The following FZR1 variants were observed in gnomAD, a reference collection of about 807,000 sequenced individuals.
FZR1 encodes the protein fizzy and cell division cycle 20 related 1.
In FZR1, 11 loss-of-function variants were observed where a neutral mutation model predicts 63.6. That is an observed-to-expected ratio of 0.17 (90% CI 0.11 to 0.29). FZR1 has a LOEUF of 0.29. FZR1 is among the 10% of genes least tolerant of loss of function. FZR1 has a pLI of 1.00. For synonymous variants in FZR1, 328 were observed against 297.9 expected (o/e 1.10, Z -1.04); for missense variants, 440 against 687.5 (o/e 0.64, Z 4.03).
intron 2 of FZR1, among the ~76,000 whole-genome samples, 174 bp downstream of exon 2, chr19:3,523,232 C>T (rs926032964): frequency 1.3e-5 from 2 of 152,214 alleles, no homozygotes; most frequent in Non-Finnish European, 2.9e-5. Flanking sequence ...TGCCGCCACC[C>T]CCAGGGCCAT....
intron 2 of FZR1, among the ~76,000 whole-genome samples, chr19:3,524,342 G>C (rs1372261326): frequency 2.0e-5 from 3 of 152,236 alleles, no homozygotes; most frequent in Non-Finnish European, 4.4e-5. Flanking sequence ...GGTGTGAACG[G>C]GAGATGGGGG....
Position 3,526,048 on chromosome 19 carries a change from C to T in FZR1, c.195+55C>T. On this transcript the variant is annotated intron_variant, in intron 3 of 13. Transcript: ENST00000441788. This position sits in a 1 kb window ranked among gnomAD's most constrained non-coding sequence, Gnocchi z 5.4. Reference sequence around the variant, plus strand: ...CCCCCCGGGAAGCCCAGGGCCCCTCCCAGCCTCCTTGCTCTAGGGCCGGGA... The same window carrying T: ...CCCCCCGGGAAGCCCAGGGCCCCTCTCAGCCTCCTTGCTCTAGGGCCGGGA... The T allele has an allele frequency of 1.9e-6, 3 of 1,611,826 alleles. No homozygotes were observed. The highest frequency in any genetic ancestry group is 2.5e-6 in the Non-Finnish European group (3 of 1,179,336).
chr19:3,522,140 G>C (rs954898600), intron 1 of FZR1, among the ~76,000 whole-genome samples: 1 of 152,206 alleles, frequency 6.6e-6, no homozygotes, highest in Non-Finnish European at 1.5e-5. Flanking sequence ...CCTGTACATG[G>C]CCTTGGGCTG....
At chr19:3,506,805 G>A (rs1400291430) in intron 1 of FZR1, among the ~76,000 whole-genome samples, 1 of 152,068 alleles carries the variant, frequency 6.6e-6, no homozygotes, top group Non-Finnish European at 1.5e-5. Flanking sequence ...GCTGAGCCCT[G>A]CACCCCCAAC....
intron 1 of FZR1, among the ~76,000 whole-genome samples, chr19:3,512,922 A>G (rs903625029): frequency 6.6e-6 from 1 of 152,192 alleles, no homozygotes; most frequent in Non-Finnish European, 1.5e-5. Flanking sequence ...CAGTGAGAGC[A>G]GACAGCGGAT....
chr19:3,523,109 C>A, intron 2 of FZR1, 51 bp downstream of exon 2: 1 of 1,149,126 alleles, frequency 8.7e-7, no homozygotes, highest in Non-Finnish European at 1.3e-6. Context: ...CCCCAGCTGC[C>A]TCTGCCCTGG....
chr19:3,527,052 AGCAACAAGAGG>A lies in FZR1; in HGVS notation c.461_470+1del, dbSNP rs2083167046. On this transcript the variant is annotated splice_donor_variant and coding_sequence_variant, in exon 6 of 14. Coordinates refer to ENST00000441788, the MANE Select transcript of FZR1 (RefSeq NM_016263.4). LOFTEE classifies it high-confidence loss of function. ...GTCTCCCTACTCCCTGTCTCCCGTC[AGCAACAAGAGG>A]TGGGTCCCAGCTTCCTCCGCAGCCC... 2.5e-6 allele frequency: 4 copies of A among 1,610,146 alleles called. No individual in the cohort carries two copies. The highest frequency in any genetic ancestry group is 1.1e-5 in the South Asian group (1 of 91,018).
chr19:3,528,354 G>C (rs570208370), intron 7 of FZR1, among the ~76,000 whole-genome samples: 3 of 152,358 alleles, frequency 2.0e-5, no homozygotes, highest in Non-Finnish European at 4.4e-5. Flanking sequence ...GGGAGAGCGA[G>C]GGTTGGCGCC....
At chr19:3,522,442 C>T (rs2083111123) in intron 1 of FZR1, among the ~76,000 whole-genome samples, 1 of 152,190 alleles carries the variant, frequency 6.6e-6, no homozygotes, top group Non-Finnish European at 1.5e-5. Flanking sequence ...GTGGCTTGTC[C>T]ACAGGAGGCT....
At chr19:3,518,819 A>G (rs1481658913) in intron 1 of FZR1, among the ~76,000 whole-genome samples, 1 of 152,202 alleles carries the variant, frequency 6.6e-6, no homozygotes, top group African/African-American at 2.4e-5. Context: ...AACCATGATC[A>G]AACTACTGCA....
At chr19:3,522,828 T>TC in intron 1 of FZR1, 128 bp from the exon 2 acceptor site, 2 of 642,354 alleles carry the variant, frequency 3.1e-6, no homozygotes, top group Non-Finnish European at 5.7e-6. Context: ...TGGCAGAAGA[T>TC]CCCCACAGAG....
chr19:3,510,935 G>A, intron 1 of FZR1, among the ~76,000 whole-genome samples: 1 of 152,376 alleles, frequency 6.6e-6, no homozygotes, highest in East Asian at 1.9e-4. Flanking sequence ...CAGCGCTGAG[G>A]TTGGGGCCCT....
At chr19:3,510,083 A>G (rs940801899) in intron 1 of FZR1, among the ~76,000 whole-genome samples, 2 of 151,540 alleles carry the variant, frequency 1.3e-5, no homozygotes, top group African/African-American at 4.9e-5. Flanking sequence ...TGCCCCCAGC[A>G]TGTCCCTTCC....
chr19:3,532,872 A>T (rs2083262137), intron 11 of FZR1, among the ~76,000 whole-genome samples: 1 of 151,980 alleles, frequency 6.6e-6, no homozygotes, highest in Admixed American at 6.5e-5. Flanking sequence ...CTGGGCCCCC[A>T]TCGCAGCCAC....
chr19:3,532,695 G>C, intron 11 of FZR1, 45 bp downstream of exon 11: 4 of 1,347,022 alleles, frequency 3.0e-6, no homozygotes, highest in Non-Finnish European at 4.2e-6. Flanking sequence ...CAGGATGTGC[G>C]TCCTGCTGGC....
Position 3,526,100 on chromosome 19 carries a change from C to T in FZR1, c.196-20C>T, listed in dbSNP as rs2121967904. 3 of 1,612,664 alleles carry T rather than the reference C, an allele frequency of 1.9e-6. No individual in the cohort carries two copies. The highest frequency in any genetic ancestry group is 2.2e-5 in the East Asian group (1 of 44,864). On this transcript the variant is annotated intron_variant, in intron 3 of 13. Transcript: ENST00000441788. The surrounding 1 kb of genome is among the most constrained non-coding windows in gnomAD (Gnocchi z 5.4). ...CAAGCGGGCTCCTCGACCCCTCCCT[C>T]TCTGCTCTCCTGCCTGCAGGAGAAT...
At chr19:3,523,122 A>G (rs1256202968) in intron 2 of FZR1, 64 bp downstream of exon 2, 2 of 1,012,278 alleles carry the variant, frequency 2.0e-6, no homozygotes, top group Non-Finnish European at 3.2e-6. Context: ...TGCCCTGGCC[A>G]GCAGCCTCAG....
intron 1 of FZR1, among the ~76,000 whole-genome samples, chr19:3,520,312 A>G (rs1476320719): frequency 6.6e-6 from 1 of 152,108 alleles, no homozygotes. Flanking sequence ...GGCTGGTGAC[A>G]TGACCTGGCC....
Position 3,526,088 on chromosome 19 carries a change from C to T in FZR1, c.196-32C>T, listed in dbSNP as rs757696153. ...TAGGGCCGGGAACAAGCGGGCTCCT[C>T]GACCCCTCCCTCTCTGCTCTCCTGC... is the stretch of plus-strand genomic sequence containing the variant. On this transcript the variant is annotated intron_variant, in intron 3 of 13. Transcript: ENST00000441788. This position sits in a 1 kb window ranked among gnomAD's most constrained non-coding sequence, Gnocchi z 5.4. 7.4e-6 allele frequency: 12 copies of T among 1,612,084 alleles called. No homozygotes were observed. Among genetic ancestry groups the T allele is most frequent in the South Asian group, 1.1e-5 (1 of 91,066 alleles).
Sources: allele counts gnomAD v4.1 joint callset (sites outside exome capture counted in the v4.1 genomes callset), GRCh38; gene constraint gnomAD v4.1.1; non-coding constraint Gnocchi (gnomAD v3.1); transcripts MANE v1.5; gene names NCBI Gene and HGNC (gene_info 2026-07-23, HGNC 2026-07-21).